The following FHOD3 variants were observed in gnomAD, a reference collection of about 807,000 sequenced individuals.
FHOD3 encodes the protein FH1/FH2 domain-containing protein 3.
Under a neutral mutation model 173.0 loss-of-function variants are expected in FHOD3, and 90 were observed. The ratio of observed to expected loss-of-function variants is 0.52; its 90% confidence interval spans 0.44 to 0.62. The LOEUF (loss-of-function observed/expected upper bound fraction) is 0.62. FHOD3 is among the 20% of genes least tolerant of loss of function. The pLI is 0.00. For synonymous variants in FHOD3, 828 were observed against 823.0 expected, an observed-to-expected ratio of 1.01 and a Z score of -0.10; for missense variants, 1,945 against 2,034.7, an observed-to-expected ratio of 0.96 and a Z score of 0.85.
chr18:36,434,410 T>C (rs1355410400), intron 3 of FHOD3, among the ~76,000 whole-genome samples: 1 of 152,228 alleles, frequency 6.6e-6, no homozygotes, highest in Non-Finnish European at 1.5e-5. Flanking sequence ...TTCTGTTCTA[T>C]TGCTCTGTGT....
chr18:36,343,000 T>C (rs1408414492), intron 1 of FHOD3, among the ~76,000 whole-genome samples: 2 of 152,116 alleles, frequency 1.3e-5, no homozygotes, highest in Non-Finnish European at 2.9e-5. Flanking sequence ...ATTGCCATAA[T>C]AAAAAGGGCA....
In FHOD3 at chr18:36,709,153, G is replaced by C; in HGVS notation, c.2295G>C (p.Ala765=). The change falls in exon 18 of 29, where the codon GCG becomes GCC. Residue 765 remains alanine, a synonymous_variant. Coordinates refer to ENST00000590592, the MANE Select transcript of FHOD3 (RefSeq NM_001281740.3). The part of the protein sequence containing the change: ...SEAEPEAEAG[A]GQVADEAGQD... ...CAGAACCGGAAGCAGAGGCAGGGGC[G>C]GGGCAGGTTGCTGATGAAGCTGGCC... The C allele has an allele frequency of 1.2e-6, 2 of 1,614,036 alleles. No individual in the cohort carries two copies. The highest frequency in any genetic ancestry group is 1.7e-6 in the Non-Finnish European group (2 of 1,179,960).
intron 3 of FHOD3, among the ~76,000 whole-genome samples, chr18:36,402,666 A>G (rs1007488514): frequency 4.6e-5 from 7 of 151,968 alleles, no homozygotes; most frequent in African/African-American, 1.7e-4. Context: ...CCTGACATCC[A>G]TTACTGCTTG....
chr18:36,577,291 A>G (rs1440211529), intron 6 of FHOD3, among the ~76,000 whole-genome samples: 1 of 150,554 alleles, frequency 6.6e-6, no homozygotes, highest in Admixed American at 6.6e-5. Context: ...CAGGCACCAA[A>G]CTAGGTATTT....
At position 36,759,365 on chromosome 18, in the gene FHOD3, TC is replaced by T. The variant is rs140946334; in HGVS notation, c.4449+227del. 7.4e-3 allele frequency among the ~76,000 whole-genome samples: 1,124 copies of T among 152,270 alleles called. 9 individuals are homozygous for T. Among genetic ancestry groups the T allele is most frequent in the Non-Finnish European group, 0.011 (764 of 68,012 alleles). On this transcript the variant is annotated intron_variant, in intron 26 of 28. Transcript: ENST00000590592. ...AGGGTTAAATGCATTTTCCGAGCTG[TC>T]CCTGAGGCCCAGCTAATCAGTAACC...
At chr18:36,393,125 A>C (rs1290368625) in intron 3 of FHOD3, among the ~76,000 whole-genome samples, 1 of 152,276 alleles carries the variant, frequency 6.6e-6, no homozygotes, top group African/African-American at 2.4e-5. Flanking sequence ...TGGTCATTCC[A>C]GAGTGTCTGC....
intron 5 of FHOD3, among the ~76,000 whole-genome samples, chr18:36,551,381 G>A (rs555729483): frequency 1.3e-3 from 205 of 152,098 alleles, no homozygotes; most frequent in Non-Finnish European, 2.3e-3. Context: ...GGTCTTATTG[G>A]ATGAGTTGGG....
chr18:36,718,175 G>A lies in FHOD3; in HGVS notation c.2877G>A (p.Glu959=). 6.2e-7 allele frequency: 1 copy of A among 1,612,922 alleles called. No homozygotes were observed. The highest frequency in any genetic ancestry group is 8.5e-7 in the Non-Finnish European group (1 of 1,179,362). Residue 959 remains glutamate (E), a synonymous_variant, in exon 19 of 29, where the codon GAG becomes GAA. Coordinates refer to ENST00000590592, the MANE Select transcript of FHOD3 (RefSeq NM_001281740.3). ...LGRGSISPDA[E]PNDKVPETAP... ...GAGGTTCCATCTCCCCTGATGCTGA[G>A]CCCAATGACAAGGTCCCAGAAACAG...
chr18:36,612,852 G>A (rs114930786), intron 9 of FHOD3, among the ~76,000 whole-genome samples: 3,814 of 152,266 alleles, frequency 0.025, 166 homozygotes, highest in African/African-American at 0.088. Context: ...GAAACCGACT[G>A]CACTGTTTTT....
At position 36,779,546 on chromosome 18, in the gene FHOD3, C is replaced by G. The variant is rs2043947874; in HGVS notation, c.*16C>G. On this transcript the variant is annotated 3_prime_UTR_variant, in exon 29 of 29. Transcript: ENST00000590592. ...GCAGCTGTGACACTCATAGGTTACT[C>G]CCAGGAGTGTGCTGAGCAGAAGGCA... 1 of 1,612,758 alleles carries G rather than the reference C, an allele frequency of 6.2e-7. No homozygotes were observed. Among genetic ancestry groups the G allele is most frequent in the Non-Finnish European group, 8.5e-7 (1 of 1,178,882 alleles).
intron 6 of FHOD3, among the ~76,000 whole-genome samples, chr18:36,594,339 G>A (rs2029928475): frequency 1.3e-5 from 2 of 152,060 alleles, no homozygotes; most frequent in African/African-American, 4.8e-5. Flanking sequence ...ACCTAAGCTG[G>A]CTGTTGTGAC....
chr18:36,379,798 C>T (rs2047642936), intron 3 of FHOD3, among the ~76,000 whole-genome samples: 1 of 152,202 alleles, frequency 6.6e-6, no homozygotes, highest in Non-Finnish European at 1.5e-5. Flanking sequence ...GCTCTAGTGA[C>T]CAGCTCTGAG....
intron 15 of FHOD3, among the ~76,000 whole-genome samples, chr18:36,684,321 C>T (rs994978764): frequency 6.6e-6 from 1 of 151,980 alleles, no homozygotes; most frequent in Non-Finnish European, 1.5e-5. Context: ...TCCAAAATAA[C>T]TTATCATAAA....
chr18:36,610,862 G>A (rs2032602813), intron 8 of FHOD3, among the ~76,000 whole-genome samples: 1 of 152,236 alleles, frequency 6.6e-6, no homozygotes. Context: ...GCTGAGACTG[G>A]AATGGCAGCT....
intron 10 of FHOD3, among the ~76,000 whole-genome samples, chr18:36,632,552 G>C (rs2034589100): frequency 6.6e-6 from 1 of 152,060 alleles, no homozygotes; most frequent in Non-Finnish European, 1.5e-5. Context: ...CTGAATTTCT[G>C]ACACCTCTCA....
intron 3 of FHOD3, among the ~76,000 whole-genome samples, chr18:36,482,128 G>T (rs1445713680): frequency 6.6e-6 from 1 of 152,138 alleles, no homozygotes; most frequent in Admixed American, 6.5e-5. Flanking sequence ...GGAGGGTACT[G>T]GTTCTTTCAT....
intron 2 of FHOD3, among the ~76,000 whole-genome samples, chr18:36,357,761 G>A (rs1053041404): frequency 3.3e-5 from 5 of 152,090 alleles, no homozygotes; most frequent in Admixed American, 6.6e-5. Flanking sequence ...TGACTTCATG[G>A]CTCATTGATC....
chr18:36,542,051 A>G (rs1416219427), intron 5 of FHOD3, among the ~76,000 whole-genome samples: 2 of 152,236 alleles, frequency 1.3e-5, no homozygotes, highest in African/African-American at 4.8e-5. Flanking sequence ...GCTGTTTTAC[A>G]AATGGGAATT....
At chr18:36,715,509 AG>A (rs1360855038) in intron 18 of FHOD3, among the ~76,000 whole-genome samples, 1 of 152,192 alleles carries the variant, frequency 6.6e-6, no homozygotes, top group Non-Finnish European at 1.5e-5. Flanking sequence ...AGCCCCAAAG[AG>A]GCAAACCCAG....
Sources: gnomAD v4.1 joint callset for allele counts (sites outside exome capture counted in the v4.1 genomes callset) on GRCh38, gnomAD v4.1.1 for gene constraint, MANE v1.5 for transcripts, NCBI Gene and HGNC (gene_info 2026-07-23, HGNC 2026-07-21) for gene names.